DLGAP2: variants seen among roughly 807,000 people sequenced by gnomAD.
DLGAP2 encodes DLG associated protein 2, also known as disks large-associated protein 2.
A neutral mutation model predicts 100.3 loss-of-function variants in DLGAP2; 26 were observed. The observed-to-expected ratio is 0.26, with a 90% CI of 0.19 to 0.36. DLGAP2 has a LOEUF of 0.36. Among genes scored for constraint, DLGAP2 ranks in the 10% least tolerant of loss-of-function variants. DLGAP2 has a pLI of 1.00. For missense variants in DLGAP2, 1,858 were observed against 1,453.2 expected (o/e 1.28, Z -4.53); for synonymous variants, 886 against 630.1 (o/e 1.41, Z -6.08).
chr8:1,360,613 C>T (rs1348502863), intron 3 of DLGAP2, among the ~76,000 whole-genome samples: 2 of 152,134 alleles, frequency 1.3e-5, no homozygotes, highest in African/African-American at 4.8e-5. Context: ...ACAGGAAATC[C>T]ACCTCAGCCA....
intron 3 of DLGAP2, among the ~76,000 whole-genome samples, chr8:1,429,397 C>G (rs1488192894): frequency 1.4e-4 from 21 of 152,168 alleles, no homozygotes; most frequent in Non-Finnish European, 5.9e-5. Flanking sequence ...GCTGCTGTCA[C>G]TCACTGTGAG....
At chr8:1,251,528 C>G (rs1283105216) in intron 2 of DLGAP2, among the ~76,000 whole-genome samples, 1 of 152,150 alleles carries the variant, frequency 6.6e-6, no homozygotes, top group African/African-American at 2.4e-5. Flanking sequence ...CCTCAAATTC[C>G]CAGGCCTTGG....
At chr8:942,511 C>T (rs539414774) in intron 2 of DLGAP2, among the ~76,000 whole-genome samples, 1 of 152,366 alleles carries the variant, frequency 6.6e-6, no homozygotes, top group African/African-American at 2.4e-5. Flanking sequence ...CCCAGCTCTC[C>T]TGGGCTTGGA....
chr8:1,366,285 G>A (rs1725704256), intron 3 of DLGAP2, among the ~76,000 whole-genome samples: 1 of 152,162 alleles, frequency 6.6e-6, no homozygotes, highest in Non-Finnish European at 1.5e-5. Context: ...ACTATAGCCA[G>A]TGCTAAGGAC....
intron 2 of DLGAP2, among the ~76,000 whole-genome samples, chr8:926,826 G>A (rs987271437): frequency 2.0e-5 from 3 of 152,258 alleles, no homozygotes; most frequent in South Asian, 2.1e-4. Context: ...GCCCTCCTCC[G>A]GCAAGGACGG....
intron 2 of DLGAP2, among the ~76,000 whole-genome samples, chr8:977,982 T>C (rs377170718): frequency 2.5e-5 from 1 of 39,234 alleles, no homozygotes; most frequent in African/African-American, 7.5e-5. Flanking sequence ...TCTTTGGTGT[T>C]GTGGGGAGGG....
chr8:1,290,856 C>G (rs979104120), intron 3 of DLGAP2, among the ~76,000 whole-genome samples: 2 of 152,158 alleles, frequency 1.3e-5, no homozygotes, highest in Non-Finnish European at 2.9e-5. Context: ...TTACTTTTTG[C>G]TATTGTGGAA....
intron 2 of DLGAP2, among the ~76,000 whole-genome samples, chr8:942,984 G>A (rs111881658): frequency 1.0e-3 from 156 of 152,330 alleles, no homozygotes; most frequent in African/African-American, 3.4e-3. Flanking sequence ...GCTGCTCATC[G>A]GAGCCTGGGA....
intron 1 of DLGAP2, among the ~76,000 whole-genome samples, chr8:754,617 GC>G (rs1285440963): frequency 6.6e-6 from 1 of 152,180 alleles, no homozygotes; most frequent in East Asian, 1.9e-4. Flanking sequence ...GCTCTGCGAG[GC>G]CAAGGAGGGA....
intron 1 of DLGAP2, among the ~76,000 whole-genome samples, chr8:858,363 C>T (rs1035011789): frequency 6.6e-6 from 1 of 152,268 alleles, no homozygotes; most frequent in Non-Finnish European, 1.5e-5. Flanking sequence ...GACTGCATGG[C>T]ATTCTGGAAA....
intron 11 of DLGAP2, among the ~76,000 whole-genome samples, chr8:1,677,621 C>A (rs2130853600): frequency 6.6e-6 from 1 of 152,324 alleles, no homozygotes; most frequent in East Asian, 1.9e-4. Context: ...CAACTGTAAG[C>A]CCCCTCCTAT....
At chr8:1,601,688 G>GTC (rs1796629781) in intron 6 of DLGAP2, among the ~76,000 whole-genome samples, 2 of 152,058 alleles carry the variant, frequency 1.3e-5, no homozygotes, top group Non-Finnish European at 2.9e-5. Context: ...GCCCACAAAC[G>GTC]TCTCCATTAT....
chr8:1,523,621 G>A (rs1459066891), intron 4 of DLGAP2, among the ~76,000 whole-genome samples: 4 of 152,216 alleles, frequency 2.6e-5, no homozygotes, highest in Non-Finnish European at 1.5e-5. Context: ...CTCTGGATCT[G>A]CAGGGCAGGG....
At chr8:785,278 C>T (rs1821813189) in intron 1 of DLGAP2, among the ~76,000 whole-genome samples, 2 of 147,086 alleles carry the variant, frequency 1.4e-5, no homozygotes, top group African/African-American at 4.9e-5. Context: ...TTCAGATGCG[C>T]CGGATCCTGC....
intron 2 of DLGAP2, among the ~76,000 whole-genome samples, chr8:1,074,361 T>G (rs796229318): frequency 4.7e-4 from 71 of 151,074 alleles, no homozygotes; most frequent in African/African-American, 1.4e-3. Flanking sequence ...ATATTCAGGA[T>G]TCACTGTCAC....
chr8:1,107,466 G>T (rs1371034220), intron 2 of DLGAP2, among the ~76,000 whole-genome samples: 1 of 152,218 alleles, frequency 6.6e-6, no homozygotes, highest in Non-Finnish European at 1.5e-5. Context: ...TCCTTGTCCT[G>T]TGTGGGTCTC....
chr8:1,555,953 A>G (rs987642777), intron 5 of DLGAP2, among the ~76,000 whole-genome samples: 2 of 148,448 alleles, frequency 1.3e-5, no homozygotes, highest in Non-Finnish European at 2.9e-5. Flanking sequence ...CACATTGGAA[A>G]TCATAACTCA....
chr8:1,234,174 T>C (rs1388444425), intron 2 of DLGAP2, among the ~76,000 whole-genome samples: 1 of 152,238 alleles, frequency 6.6e-6, no homozygotes, highest in Admixed American at 6.5e-5. Flanking sequence ...CGGAAAGTCC[T>C]GTGCGGCTGT....
chr8:1,424,639 C>G (rs535581125), intron 3 of DLGAP2, among the ~76,000 whole-genome samples: 20 of 152,068 alleles, frequency 1.3e-4, no homozygotes, highest in South Asian at 2.1e-4. Flanking sequence ...GACAGAAGGC[C>G]GGATAGGACA....
Sources: allele counts gnomAD v4.1 joint callset (sites outside exome capture counted in the v4.1 genomes callset), GRCh38; gene constraint gnomAD v4.1.1; transcripts MANE v1.5; gene names NCBI Gene and HGNC (gene_info 2026-07-23, HGNC 2026-07-21).